NVL: variants seen among roughly 807,000 people sequenced by gnomAD.
NVL encodes nuclear valosin-containing protein-like.
In NVL, 84 loss-of-function variants were observed where a neutral mutation model predicts 110.2. The ratio of observed to expected loss-of-function variants is 0.76; its 90% CI spans 0.64 to 0.91. The LOEUF (loss-of-function observed/expected upper bound fraction) is 0.91. NVL is among the 40% of genes least tolerant of loss of function. The pLI, the probability that NVL is intolerant of heterozygous loss-of-function variation, is 0.00. For synonymous variants in NVL, 354 were observed against 361.1 expected (o/e 0.98, Z 0.22); for missense variants, 882 against 1,035.9 (o/e 0.85, Z 2.04).
intron 5 of NVL, among the ~76,000 whole-genome samples, chr1:224,311,158 A>C (rs1669479511): frequency 6.6e-6 from 1 of 151,854 alleles, no homozygotes; most frequent in Admixed American, 6.6e-5. Context: ...CCTGGGCTCA[A>C]GTGATCCTCC....
intron 12 of NVL, among the ~76,000 whole-genome samples, chr1:224,290,552 C>T: frequency 6.6e-6 from 1 of 151,990 alleles, no homozygotes; most frequent in East Asian, 1.9e-4. Context: ...CTTGTAATCC[C>T]AGCACTTTGG....
chr1:224,245,948 AT>A (rs1661769247), intron 19 of NVL, among the ~76,000 whole-genome samples: 1 of 149,276 alleles, frequency 6.7e-6, no homozygotes, highest in African/African-American at 2.5e-5. Flanking sequence ...GTCTTTTTTG[AT>A]TTTTTTCTTC....
intron 19 of NVL, among the ~76,000 whole-genome samples, chr1:224,239,971 C>T (rs980557443): frequency 6.6e-6 from 1 of 152,172 alleles, no homozygotes; most frequent in South Asian, 2.1e-4. Flanking sequence ...AATCTCGGCT[C>T]ACTGCAACTT....
chr1:224,312,072 A>C, intron 4 of NVL: 2 of 455,870 alleles, frequency 4.4e-6, no homozygotes, highest in East Asian at 7.3e-5. Context: ...ACGGAGATTT[A>C]ATAAGTAATG....
chr1:224,323,099 TCAGA>T (rs1184098118), intron 2 of NVL, among the ~76,000 whole-genome samples: 7 of 152,178 alleles, frequency 4.6e-5, no homozygotes, highest in Non-Finnish European at 5.9e-5. Flanking sequence ...TGGTGAGGTC[TCAGA>T]CAGAAATGAG....
intron 10 of NVL, 108 bp from the exon 11 acceptor site, chr1:224,296,726 G>C (rs2102666594): frequency 2.9e-6 from 2 of 682,210 alleles, no homozygotes; most frequent in East Asian, 5.3e-5. Context: ...AGGATCATTT[G>C]CCAAAAGAAT....
intron 10 of NVL, among the ~76,000 whole-genome samples, chr1:224,298,766 A>G (rs1406426039): frequency 1.3e-5 from 2 of 152,200 alleles, no homozygotes; most frequent in African/African-American, 4.8e-5. Context: ...TTGCTGAAAG[A>G]TGTGAGGTGG....
intron 9 of NVL, chr1:224,302,830 G>T: frequency 4.7e-6 from 1 of 211,076 alleles, no homozygotes; most frequent in Non-Finnish European, 9.9e-6. Context: ...CAGGAGGACT[G>T]CTTGAGGCCA....
intron 21 of NVL, among the ~76,000 whole-genome samples, chr1:224,232,424 T>C (rs1410954723): frequency 2.6e-5 from 4 of 152,124 alleles, no homozygotes; most frequent in Non-Finnish European, 5.9e-5. Context: ...TCACTCAGGC[T>C]GGAGTGCAGT....
intron 18 of NVL, among the ~76,000 whole-genome samples, chr1:224,259,235 C>T (rs1401596651): frequency 2.6e-5 from 4 of 151,698 alleles, no homozygotes; most frequent in East Asian, 2.0e-4. Context: ...ACTCTAGGTG[C>T]GCACCACCAT....
intron 18 of NVL, 24 bp from the exon 19 acceptor site, chr1:224,250,342 G>A: frequency 6.6e-7 from 1 of 1,520,422 alleles, no homozygotes; most frequent in Non-Finnish European, 8.8e-7. Flanking sequence ...GAGAAAAAAA[G>A]TCTTAAATAA....
At chr1:224,256,895 G>A (rs1663325217) in intron 18 of NVL, 1 of 414,688 alleles carries the variant, frequency 2.4e-6, no homozygotes, top group Non-Finnish European at 4.8e-6. Flanking sequence ...AGCAAATCAG[G>A]TCAACCCTAT....
chr1:224,319,815 T>C (rs1670468429), intron 2 of NVL, among the ~76,000 whole-genome samples: 1 of 152,136 alleles, frequency 6.6e-6, no homozygotes, highest in Non-Finnish European at 1.5e-5. Flanking sequence ...AATTTCAAAT[T>C]AATTTACAGT....
intron 19 of NVL, among the ~76,000 whole-genome samples, chr1:224,248,912 C>T (rs1443763094): frequency 6.6e-6 from 1 of 152,164 alleles, no homozygotes; most frequent in Non-Finnish European, 1.5e-5. Flanking sequence ...GGGTACAATC[C>T]CATGGGAGTG....
At chr1:224,248,102 A>G (rs1571819519) in intron 19 of NVL, among the ~76,000 whole-genome samples, 1 of 152,258 alleles carries the variant, frequency 6.6e-6, no homozygotes, top group East Asian at 1.9e-4. Flanking sequence ...TTTCCACTTG[A>G]TAGTGCCCAG....
chr1:224,243,475 C>CAAAAAAGTTTG (rs1287529353), intron 19 of NVL, among the ~76,000 whole-genome samples: 4 of 151,656 alleles, frequency 2.6e-5, no homozygotes, highest in Non-Finnish European at 5.9e-5. Flanking sequence ...ACAACAACAA[C>CAAAAAAGTTTG]AAAAAAGTTT....
intron 16 of NVL, among the ~76,000 whole-genome samples, chr1:224,280,157 A>C (rs955179814): frequency 6.6e-6 from 1 of 151,164 alleles, no homozygotes; most frequent in Non-Finnish European, 1.5e-5. Flanking sequence ...AAGAAGCTTT[A>C]AGTGTACTGC....
intron 2 of NVL, among the ~76,000 whole-genome samples, chr1:224,318,709 T>A (rs1670331199): frequency 6.6e-6 from 1 of 151,284 alleles, no homozygotes; most frequent in African/African-American, 2.4e-5. Flanking sequence ...TGCAGCCAGG[T>A]GCGGTGGCTC....
intron 19 of NVL, among the ~76,000 whole-genome samples, chr1:224,240,368 C>A: frequency 6.6e-6 from 1 of 151,944 alleles, no homozygotes; most frequent in Admixed American, 6.6e-5. Context: ...CGTGCCCAGC[C>A]AACGCTGGGT....
Sources: gnomAD v4.1 joint callset for allele counts (sites outside exome capture counted in the v4.1 genomes callset) on GRCh38, gnomAD v4.1.1 for gene constraint, MANE v1.5 for transcripts, NCBI Gene and HGNC (gene_info 2026-07-23, HGNC 2026-07-21) for gene names.